The following MCOLN3 variants were observed in gnomAD, a reference collection of about 807,000 sequenced individuals.
MCOLN3 encodes the protein mucolipin-3.
In MCOLN3, 62 loss-of-function variants were observed where a neutral mutation model predicts 69.4. That is an observed-to-expected ratio of 0.89 (90% CI 0.73 to 1.10). The LOEUF is 1.10. Ranked by LOEUF, MCOLN3 falls within the 50% of genes least tolerant of loss-of-function variation. The pLI is 0.00. For missense variants in MCOLN3, 564 were observed against 656.4 expected (o/e 0.86, Z 1.54); for synonymous variants, 183 against 217.0 (o/e 0.84, Z 1.38).
Position 85,035,356 on chromosome 1 carries a change from C to T in MCOLN3, c.397-1105G>A, listed in dbSNP as rs1293190850. ...ATACCACCTCTATGCTGACAGCTTC[C>T]AAATTTGCATCTTCAGCTCTGACCT... On this transcript the variant is annotated intron_variant, in intron 3 of 12. Coordinates refer to ENST00000370589, the MANE Select transcript of MCOLN3 (RefSeq NM_018298.11). Among the ~76,000 whole-genome samples, 9 of 152,188 alleles carry T rather than the reference C, an allele frequency of 5.9e-5. No individual in the cohort carries two copies. In the East Asian group the frequency reaches 1.7e-3, roughly 29 times the overall value.
chr1:85,035,720 CCT>C (rs1210185987), intron 3 of MCOLN3, among the ~76,000 whole-genome samples: 4 of 152,156 alleles, frequency 2.6e-5, no homozygotes, highest in Non-Finnish European at 5.9e-5. Flanking sequence ...AAACCACCAT[CCT>C]CTCTCCCCTA....
chr1:85,026,857 CT>C (rs202103621), intron 7 of MCOLN3, among the ~76,000 whole-genome samples: 28 of 146,750 alleles, frequency 1.9e-4, no homozygotes, highest in South Asian at 8.6e-4. Flanking sequence ...CCTGCATATT[CT>C]TTTTTTTTTT....
chr1:85,027,135 T>C (rs531999905), intron 7 of MCOLN3, among the ~76,000 whole-genome samples: 1 of 152,316 alleles, frequency 6.6e-6, no homozygotes, highest in South Asian at 2.1e-4. Flanking sequence ...TCAGGCATTT[T>C]TCTAGATGTT....
In MCOLN3 at chr1:85,041,002, T is replaced by G. The variant is rs201026006; in HGVS notation, c.396+8A>C. 1.1e-4 allele frequency: 173 copies of G among 1,612,492 alleles called. No homozygotes were observed. In the South Asian group the frequency reaches 1.3e-3, roughly 12 times the overall value. On this transcript the variant is annotated splice_region_variant and intron_variant, in intron 3 of 12. Coordinates refer to ENST00000370589, the MANE Select transcript of MCOLN3 (RefSeq NM_018298.11). ...TTCCCAAGTAAATAATGCACACACT[T>G]GATTTACCTGGTTTACTGCGAAGAT...
In MCOLN3 at chr1:85,026,337, GAC is replaced by G. The variant is rs1374400409; in HGVS notation, c.833-55_833-54del. ...TTATGTAGTGGGACATTAATATGGT[GAC>G]ATCTTCTTTTTAGAATCATTTAAAT... On this transcript the variant is annotated intron_variant, in intron 7 of 12. Transcript: ENST00000370589. 3.1e-5 allele frequency: 36 copies of G among 1,151,306 alleles called. No individual in the cohort carries two copies. The South Asian group carries it at 3.9e-4, about 13-fold the overall frequency. The allele number at this position is 1,151,306 out of a possible 1,614,324, so 71.3% of individuals were successfully genotyped here.
chr1:85,040,217 G>A (rs1331932852), intron 3 of MCOLN3, among the ~76,000 whole-genome samples: 1 of 152,130 alleles, frequency 6.6e-6, no homozygotes, highest in African/African-American at 2.4e-5. Context: ...CTAACAGAAA[G>A]ACTTCATGCC....
chr1:85,034,281 G>A, intron 3 of MCOLN3, 30 bp from the exon 4 acceptor site: 1 of 1,613,222 alleles, frequency 6.2e-7, no homozygotes, highest in Non-Finnish European at 8.5e-7. Flanking sequence ...CAGAAAATGG[G>A]AATGCCAGCC....
At chr1:85,033,975 A>AT in intron 4 of MCOLN3, 123 bp downstream of exon 4, 1 of 1,054,714 alleles carries the variant, frequency 9.5e-7, no homozygotes, top group Non-Finnish European at 1.4e-6. Flanking sequence ...AATAACTCGT[A>AT]TATCATTCTT....
rs766584687 is a variant in MCOLN3 at position 85,022,351 on chromosome 1, A to G, written c.1145T>C (p.Met382Thr). 5.9e-5 allele frequency: 96 copies of G among 1,613,814 alleles called. No homozygotes were observed. In the East Asian group the frequency reaches 1.3e-3, roughly 21 times the overall value. ...TCGGATGACTCCAAGCCACACGAGC[A>G]TGGTAGAAGTCCCAAGAAGTATGCT... Reference protein sequence around the residue: ...VCSILLGTSTMLVWLGVIRYL... With the variant: ...VCSILLGTSTTLVWLGVIRYL... The change falls in exon 10 of 13, where the codon ATG (methionine) becomes ACG (threonine). Residue 382 changes from methionine (M) to threonine (T), a missense_variant. Physicochemically the swap from Met to Thr is moderately conservative, Grantham distance 81. Coordinates refer to ENST00000370589, the MANE Select transcript of MCOLN3 (RefSeq NM_018298.11).
chr1:85,019,954 AG>A (rs1651842050), intron 12 of MCOLN3, among the ~76,000 whole-genome samples: 1 of 152,232 alleles, frequency 6.6e-6, no homozygotes, highest in African/African-American at 2.4e-5. Context: ...CCATTTGGCA[AG>A]TGCTCTGAGC....
intron 12 of MCOLN3, among the ~76,000 whole-genome samples, chr1:85,019,927 G>A (rs903297241): frequency 6.6e-6 from 1 of 152,202 alleles, no homozygotes; most frequent in Non-Finnish European, 1.5e-5. Flanking sequence ...GAAAGGATCA[G>A]AAGTAACTTA....
chr1:85,037,935 T>C (rs975264736), intron 3 of MCOLN3, among the ~76,000 whole-genome samples: 2 of 152,152 alleles, frequency 1.3e-5, no homozygotes, highest in African/African-American at 4.8e-5. Flanking sequence ...AGGTCAGCCT[T>C]TGAGTGGTAA....
Position 85,019,015 on chromosome 1 carries a change from C to A in MCOLN3, c.*108G>T. ...TTGGTGAATTATAGGTCTCAATTAGCTCAAAATAACAGTCTTCAAACATAC... is the reference window on the plus strand; with the variant it reads ...TTGGTGAATTATAGGTCTCAATTAGATCAAAATAACAGTCTTCAAACATAC... On this transcript the variant is annotated 3_prime_UTR_variant, in exon 13 of 13. Coordinates refer to ENST00000370589, the MANE Select transcript of MCOLN3 (RefSeq NM_018298.11). 9.3e-7 allele frequency: 1 copy of A among 1,076,316 alleles called. No individual in the cohort carries two copies. The allele number at this position is 1,076,316 out of a possible 1,614,324, so 66.7% of individuals were successfully genotyped here.
At chr1:85,035,209 T>C (rs1461738616) in intron 3 of MCOLN3, among the ~76,000 whole-genome samples, 3 of 152,242 alleles carry the variant, frequency 2.0e-5, no homozygotes, top group Non-Finnish European at 4.4e-5. Context: ...TGTTTCTTCT[T>C]GGTCTCCTTT....
chr1:85,024,048 T>C (rs1309402536), intron 9 of MCOLN3, among the ~76,000 whole-genome samples: 1 of 151,482 alleles, frequency 6.6e-6, no homozygotes, highest in African/African-American at 2.4e-5. Context: ...GAATGAGATT[T>C]TGGGGGGCTG....
rs1190345122 is a variant in MCOLN3 at position 85,028,495 on chromosome 1, A to G, written c.832+611T>C. On this transcript the variant is annotated intron_variant, in intron 7 of 12. Transcript: ENST00000370589. ...GATGTACCATTATGTCACTTATGAG[A>G]GACTAGAAAATTAGATAAATTCTTT... Among the ~76,000 whole-genome samples, 8 of 152,330 alleles carry G rather than the reference A, an allele frequency of 5.3e-5. No homozygotes were observed. In the East Asian group the frequency reaches 1.5e-3, roughly 29 times the overall value.
At chr1:85,027,650 T>C (rs1652288691) in intron 7 of MCOLN3, among the ~76,000 whole-genome samples, 1 of 152,168 alleles carries the variant, frequency 6.6e-6, no homozygotes, top group Non-Finnish European at 1.5e-5. Flanking sequence ...CTGCTCTATA[T>C]GAGGGAGGTT....
rs1368605863 is a variant in MCOLN3, at chr1:85,029,200, T to C, written c.738A>G (p.Thr246=). Residue 246 remains threonine (T), a synonymous_variant, in exon 7 of 13, where the codon ACA becomes ACG. Transcript: ENST00000370589. ...PDCYDFTLTI[T]FDNKAHSGRI... is the part of the protein sequence containing the mutation. ...TTCCACTATGGGCCTTGTTGTCAAA[T>C]GTTATCTGTGAAGACAGGAAAACAG... 2.5e-6 allele frequency: 4 copies of C among 1,583,200 alleles called. No individual in the cohort carries two copies. Among genetic ancestry groups the C allele is most frequent in the African/African-American group, 1.3e-5 (1 of 74,418 alleles).
At chr1:85,023,058 C>G (rs1448704355) in intron 9 of MCOLN3, 1 of 150,582 alleles carries the variant, frequency 6.6e-6, no homozygotes, top group African/African-American at 2.4e-5. Context: ...GTGGAGTTGA[C>G]CAGGTGATTT....
Sources: allele counts gnomAD v4.1 joint callset (sites outside exome capture counted in the v4.1 genomes callset), GRCh38; gene constraint gnomAD v4.1.1; transcripts MANE v1.5; gene names NCBI Gene and HGNC (gene_info 2026-07-23, HGNC 2026-07-21).